Variants in ITGBL1 observed in about 807,000 individuals in gnomAD.
ITGBL1 encodes integrin subunit beta like 1.
A neutral mutation model predicts 68.5 loss-of-function variants in ITGBL1; 51 were observed. That is an observed-to-expected ratio of 0.74 (90% CI 0.59 to 0.94). The LOEUF (loss-of-function observed/expected upper bound fraction) is 0.94. Ranked by LOEUF, ITGBL1 falls within the 40% of genes least tolerant of loss-of-function variation. The pLI is 0.00. For synonymous variants in ITGBL1, 209 were observed against 227.3 expected (o/e 0.92, Z 0.72); for missense variants, 649 against 647.4 (o/e 1.00, Z -0.03).
chr13:101,466,034 A>G (rs1236844060), intron 2 of ITGBL1, among the ~76,000 whole-genome samples: 2 of 152,200 alleles, frequency 1.3e-5, no homozygotes, highest in African/African-American at 4.8e-5. Flanking sequence ...CAGAAAGGCC[A>G]AGAAAACTTG....
chr13:101,659,574 T>G (rs2033028155), intron 7 of ITGBL1, among the ~76,000 whole-genome samples: 1 of 152,154 alleles, frequency 6.6e-6, no homozygotes, highest in South Asian at 2.1e-4. Context: ...CTTGATTAAT[T>G]GGCCATTCTT....
chr13:101,706,373 A>G (rs1229182564), intron 8 of ITGBL1, among the ~76,000 whole-genome samples: 1 of 152,220 alleles, frequency 6.6e-6, no homozygotes, highest in Non-Finnish European at 1.5e-5. Flanking sequence ...AAATACTGCC[A>G]CCAGTGGTAA....
At chr13:101,672,274 G>T (rs1412731561) in intron 7 of ITGBL1, among the ~76,000 whole-genome samples, 1 of 152,182 alleles carries the variant, frequency 6.6e-6, no homozygotes, top group Non-Finnish European at 1.5e-5. Context: ...GACTAGACTG[G>T]ATCTTGAATT....
intron 2 of ITGBL1, among the ~76,000 whole-genome samples, chr13:101,549,421 A>G (rs2049883535): frequency 6.6e-6 from 1 of 151,998 alleles, no homozygotes; most frequent in African/African-American, 2.4e-5. Flanking sequence ...CATAAATTAA[A>G]TAATTTTCAA....
At chr13:101,487,521 G>C (rs756081499) in intron 2 of ITGBL1, among the ~76,000 whole-genome samples, 90 of 152,196 alleles carry the variant, frequency 5.9e-4, no homozygotes, top group Non-Finnish European at 1.2e-3. Flanking sequence ...ATAAATCAAT[G>C]TGATGTTTAG....
At chr13:101,655,303 G>A (rs575673103) in intron 7 of ITGBL1, among the ~76,000 whole-genome samples, 1 of 152,260 alleles carries the variant, frequency 6.6e-6, no homozygotes, top group African/African-American at 2.4e-5. Flanking sequence ...TTTCTTATGT[G>A]GGAGGAGTGG....
intron 7 of ITGBL1, among the ~76,000 whole-genome samples, chr13:101,667,548 C>T (rs1566783033): frequency 6.6e-6 from 1 of 151,582 alleles, no homozygotes. Context: ...ACTGCTTTAC[C>T]CAAAATTTGA....
At chr13:101,689,211 T>TAGAAAAA (rs2033824428) in intron 7 of ITGBL1, among the ~76,000 whole-genome samples, 1 of 74,868 alleles carries the variant, frequency 1.3e-5, no homozygotes, top group African/African-American at 4.7e-5. Flanking sequence ...AGACTCTGCC[T>TAGAAAAA]AAAAAAAAAA....
At chr13:101,461,302 C>T (rs2048314392) in intron 2 of ITGBL1, among the ~76,000 whole-genome samples, 1 of 152,104 alleles carries the variant, frequency 6.6e-6, no homozygotes, top group African/African-American at 2.4e-5. Flanking sequence ...TCATAAACCC[C>T]CACAAAAGCT....
intron 2 of ITGBL1, among the ~76,000 whole-genome samples, chr13:101,534,618 G>A (rs1594872029): frequency 6.6e-6 from 1 of 152,098 alleles, no homozygotes; most frequent in East Asian, 1.9e-4. Flanking sequence ...GTTCATGATG[G>A]CCTCCATCTT....
At chr13:101,599,911 GC>G (rs1158585075) in intron 7 of ITGBL1, among the ~76,000 whole-genome samples, 1 of 152,116 alleles carries the variant, frequency 6.6e-6, no homozygotes, top group Non-Finnish European at 1.5e-5. Context: ...GATTGACTTG[GC>G]AATGTGGGCT....
Position 101,684,641 on chromosome 13 carries a change from C to T in ITGBL1, c.1016-7944C>T, listed in dbSNP as rs189596646. Among the ~76,000 whole-genome samples, 16 of 151,976 alleles carry T rather than the reference C, an allele frequency of 1.1e-4. 1 individual carries two copies. Among genetic ancestry groups the T allele is most frequent in the African/African-American group, 2.4e-4 (10 of 41,554 alleles). ...TTGCATTGTCTACATGCACAGTTTT[C>T]GGTTAAGTAATTTTTGTTTCCTTCT... On this transcript the variant is annotated intron_variant, in intron 7 of 10. Transcript: ENST00000376180.
At chr13:101,470,955 T>G (rs2139642208) in intron 2 of ITGBL1, among the ~76,000 whole-genome samples, 2 of 152,296 alleles carry the variant, frequency 1.3e-5, no homozygotes, top group African/African-American at 4.8e-5. Context: ...TCAAAAAGAT[T>G]AAATAAAATG....
intron 2 of ITGBL1, among the ~76,000 whole-genome samples, chr13:101,534,851 T>C (rs748481583): frequency 6.6e-6 from 1 of 152,100 alleles, no homozygotes. Context: ...TTTCCAGCAG[T>C]AATTATTAAT....
chr13:101,580,881 G>T (rs889438296), intron 5 of ITGBL1, among the ~76,000 whole-genome samples: 13 of 152,334 alleles, frequency 8.5e-5, no homozygotes, highest in Admixed American at 2.6e-4. Flanking sequence ...CCACTTCGCT[G>T]TGCTTGGAGC....
intron 2 of ITGBL1, among the ~76,000 whole-genome samples, chr13:101,465,413 A>G (rs1180552801): frequency 6.6e-6 from 1 of 152,190 alleles, no homozygotes; most frequent in Non-Finnish European, 1.5e-5. Context: ...TCTATCTTTG[A>G]GGCAATAATA....
chr13:101,461,919 G>A (rs2048323510), intron 2 of ITGBL1, among the ~76,000 whole-genome samples: 1 of 152,180 alleles, frequency 6.6e-6, no homozygotes, highest in Admixed American at 6.5e-5. Flanking sequence ...AAGGTCCCCT[G>A]ACATGGGACT....
rs75962460 is a variant in ITGBL1, at chr13:101,630,442, A to G, written c.1015+32143A>G. ...CTCACTTGTATATTTAAATTCTTTC[A>G]TGATGTGAATCTCTTAATTGATCTA... On this transcript the variant is annotated intron_variant, in intron 7 of 10. Coordinates refer to ENST00000376180, the MANE Select transcript of ITGBL1 (RefSeq NM_004791.3). 5.6e-3 allele frequency among the ~76,000 whole-genome samples: 849 copies of G among 152,228 alleles called. 11 individuals are homozygous for G. Among genetic ancestry groups the G allele is most frequent in the African/African-American group, 0.019 (799 of 41,552 alleles).
In ITGBL1 at chr13:101,505,333, G is replaced by A. The variant is rs181718097; in HGVS notation, c.316+51233G>A. On this transcript the variant is annotated intron_variant, in intron 2 of 10. Coordinates refer to ENST00000376180, the MANE Select transcript of ITGBL1 (RefSeq NM_004791.3). ...AACCTATTTTATGAACACTTCCTGA[G>A]TCCCTACTGTGGACTGGATGTGCAT... Among the ~76,000 whole-genome samples, 34 of 152,226 alleles carry A rather than the reference G, an allele frequency of 2.2e-4. No homozygotes were observed. In the East Asian group the frequency reaches 5.2e-3, roughly 23 times the overall value.
Sources: allele counts gnomAD v4.1 joint callset (sites outside exome capture counted in the v4.1 genomes callset), GRCh38; gene constraint gnomAD v4.1.1; transcripts MANE v1.5; gene names NCBI Gene and HGNC (gene_info 2026-07-23, HGNC 2026-07-21).